IDS: variants seen among roughly 807,000 people sequenced by gnomAD.
IDS encodes the protein iduronate 2-sulfatase.
In IDS, 1 loss-of-function variant was observed where a neutral mutation model predicts 33.5. The observed-to-expected ratio is 0.03, with a 90% CI of 0.01 to 0.14. The LOEUF (loss-of-function observed/expected upper bound fraction) is 0.14, where lower values mean the gene tolerates loss of function less well. Ranked by LOEUF, IDS falls within the 10% of genes least tolerant of loss-of-function variation. The pLI is 1.00. For missense variants in IDS, 328 were observed against 448.0 expected (o/e 0.73, Z 2.42); for synonymous variants, 191 against 184.4 (o/e 1.04, Z -0.29).
intron 7 of IDS, among the ~76,000 whole-genome samples, chrX:149,489,683 G>A (rs1182409551): frequency 1.8e-5 from 2 of 111,761 alleles, no homozygotes; most frequent in African/African-American, 3.3e-5. Context: ...GATTTGCTTC[G>A]AAACAATTCA....
chrX:149,477,332 A>C lies in IDS; in HGVS notation c.*5414T>G, dbSNP rs782243773. 5.3e-5 allele frequency: 6 copies of C among 112,676 alleles called. No homozygotes were observed. Among genetic ancestry groups the C allele is most frequent in the African/African-American group, 1.6e-4 (5 of 30,991 alleles). 9.3% of individuals were successfully genotyped at this position (112,676 alleles called of 1,213,427 possible). A position where few individuals can be genotyped will look rare whatever the true frequency, so the allele number is the denominator to read the frequency against. On this transcript the variant is annotated 3_prime_UTR_variant, in exon 9 of 9. Transcript: ENST00000340855. The stretch of plus-strand genomic sequence containing the variant: ...AACTCTTGTTTCCTAGCATGTGCTG[A>C]ATACACTACTAGACCTTGAGCTTTT...
chrX:149,483,551 A>C (rs2089310734), intron 8 of IDS, among the ~76,000 whole-genome samples: 1 of 111,853 alleles, frequency 8.9e-6, no homozygotes, highest in African/African-American at 3.3e-5. Context: ...GAGTCTGTTG[A>C]GGAACAGGAT....
At chrX:149,485,601 G>C (rs1557337967) in intron 8 of IDS, among the ~76,000 whole-genome samples, 2 of 112,032 alleles carry the variant, frequency 1.8e-5, no homozygotes, top group Non-Finnish European at 3.8e-5. Context: ...CTGGCTAAGT[G>C]GGAAAGACTA....
chrX:149,489,813 G>A (rs893245384), intron 7 of IDS, among the ~76,000 whole-genome samples: 2 of 110,839 alleles, frequency 1.8e-5, no homozygotes, highest in Admixed American at 1.9e-4. Flanking sequence ...CTTTTAAAAA[G>A]ATAGTTTCAT....
intron 8 of IDS, among the ~76,000 whole-genome samples, chrX:149,483,421 C>G (rs992899807): frequency 3.6e-5 from 4 of 111,551 alleles, no homozygotes; most frequent in Admixed American, 2.9e-4. Context: ...TAGCAGGATG[C>G]AAAATTAGGG....
rs782657740 is a variant in IDS, at chrX:149,483,177, G to A, written c.1222C>T (p.Pro408Ser). The change falls in exon 9 of 9, where the codon CCC becomes TCC. Residue 408 changes from proline to serine, a missense_variant. By Grantham distance (74) the Pro-to-Ser change is moderately conservative. This residue lies in a region of IDS where 265 missense variants were observed against 339.2 expected (regional missense o/e 0.78). Coordinates refer to ENST00000340855, the MANE Select transcript of IDS (RefSeq NM_000202.8). ...MDLVELVSLF[P>S]TLAGLAGLQV... is the part of the protein sequence containing the mutation. Reference sequence around the variant, plus strand: ...AGTCCTGCAAGTCCAGCCAGCGTGGGAAAAAGAGACACAAGTTCCACAAGG... The same window carrying A: ...AGTCCTGCAAGTCCAGCCAGCGTGGAAAAAAGAGACACAAGTTCCACAAGG... 2.9e-5 allele frequency: 35 copies of A among 1,209,388 alleles called. No individual in the cohort carries two copies. Among genetic ancestry groups the A allele is most frequent in the Non-Finnish European group, 3.6e-5 (32 of 894,989 alleles).
Position 149,480,805 on chromosome X carries a change from C to T in IDS, c.*1941G>A, listed in dbSNP as rs2089292324. On this transcript the variant is annotated 3_prime_UTR_variant, in exon 9 of 9. Coordinates refer to ENST00000340855, the MANE Select transcript of IDS (RefSeq NM_000202.8). ...TCTAACGCACTGGGTTTTAACAAGC[C>T]CCTCAAGTAGTTCTGATGCTCCCTC... The T allele has an allele frequency of 8.8e-6, 1 of 114,122 alleles. No homozygotes were observed. Among genetic ancestry groups the T allele is most frequent in the African/African-American group, 3.2e-5 (1 of 30,938 alleles). 9.4% of individuals were successfully genotyped at this position (114,122 alleles called of 1,213,427 possible).
Position 149,496,444 on chromosome X carries a change from G to T in IDS, c.781C>A (p.Pro261Thr), listed in dbSNP as rs141720810. 18 of 1,209,175 alleles carry T rather than the reference G, an allele frequency of 1.5e-5. 1 individual carries two copies. In the South Asian group the frequency reaches 2.1e-4, roughly 14 times the overall value. The change falls in exon 6 of 9, where the codon CCT becomes ACT. Residue 261 changes from proline (P) to threonine (T), a missense_variant. Physicochemically the swap from Pro to Thr is conservative, Grantham distance 38 (BLOSUM62 -1). Transcript: ENST00000340855. ...TCCATCCAGGGGTTGTAGGCCACAGGGGGTAGGCCATCAGGGACCTCGGGA... is the reference window on the plus strand; with the variant it reads ...TCCATCCAGGGGTTGTAGGCCACAGTGGGTAGGCCATCAGGGACCTCGGGA... The part of the protein sequence containing the change: ...PDPEVPDGLP[P>T]VAYNPWMDIR...
intron 8 of IDS, among the ~76,000 whole-genome samples, chrX:149,483,710 TAC>T (rs1280286998): frequency 8.9e-6 from 1 of 112,259 alleles, no homozygotes. Context: ...TGGAATTAAG[TAC>T]ACTTATACTG....
At chrX:149,492,887 AGAG>A (rs1216095718) in intron 6 of IDS, among the ~76,000 whole-genome samples, 1 of 110,017 alleles carries the variant, frequency 9.1e-6, no homozygotes, top group Non-Finnish European at 1.9e-5. Context: ...GGCAGGGAGC[AGAG>A]GAGGAGGAGG....
At chrX:149,484,436 C>G (rs1186260016) in intron 8 of IDS, among the ~76,000 whole-genome samples, 4 of 112,477 alleles carry the variant, frequency 3.6e-5, no homozygotes, top group South Asian at 3.7e-4. Flanking sequence ...ATTCTCCTGC[C>G]TCAGCCTCCT....
In IDS at chrX:149,490,321, C is replaced by T. The variant is rs1483244890; in HGVS notation, c.999G>A (p.Ser333=). ...LANSTIIAFT[S]DHGWALGEHG... ...GAATTTCAAAATGCTTACCATGATCCGAGGTAAATGCAATGATGGTGCTGT... is the reference window on the plus strand; with the variant it reads ...GAATTTCAAAATGCTTACCATGATCTGAGGTAAATGCAATGATGGTGCTGT... The change falls in exon 7 of 9, where the codon TCG becomes TCA. Residue 333 remains serine (S), a synonymous_variant. Transcript: ENST00000340855. 18 of 1,208,671 alleles carry T rather than the reference C, an allele frequency of 1.5e-5. No individual in the cohort carries two copies. The East Asian group carries it at 2.7e-4, about 18-fold the overall frequency.
chrX:149,504,306 G>A lies in IDS; in HGVS notation c.104-13C>T. The stretch of plus-strand genomic sequence containing the variant: ...ACGTTCAGAGCATCTACACAGGAGG[G>A]AGGGGCTTTGGTGAGGTAACCTGCA... On this transcript the variant is annotated splice_polypyrimidine_tract_variant and intron_variant, in intron 1 of 8. Coordinates refer to ENST00000340855, the MANE Select transcript of IDS (RefSeq NM_000202.8). 8.3e-7 allele frequency: 1 copy of A among 1,202,225 alleles called. No homozygotes were observed.
chrX:149,502,933 G>T (rs2089491987), intron 3 of IDS: 1 of 388,325 alleles, frequency 2.6e-6, no homozygotes, highest in Non-Finnish European at 4.5e-6. Flanking sequence ...CACACGGGAG[G>T]CCCTCAGGTG....
chrX:149,486,434 G>C (rs1400630297), intron 8 of IDS, among the ~76,000 whole-genome samples: 1 of 111,467 alleles, frequency 9.0e-6, no homozygotes, highest in Non-Finnish European at 1.9e-5. Flanking sequence ...GGGGAGGGCA[G>C]AGTAGAATCA....
intron 3 of IDS, among the ~76,000 whole-genome samples, chrX:149,501,883 A>G (rs1381659196): frequency 8.9e-6 from 1 of 111,924 alleles, no homozygotes; most frequent in African/African-American, 3.2e-5. Context: ...CTGTGGAAAG[A>G]GCACACAGGA....
chrX:149,501,026 T>C lies in IDS; in HGVS notation c.430A>G (p.Asn144Asp). Residue 144 changes from asparagine to aspartate, a missense_variant, in exon 4 of 9, where the codon AAC (asparagine) becomes GAC (aspartate). Around this residue, in one of 4 missense-constraint regions of IDS, gnomAD observed 265 missense variants for 339.2 expected, o/e 0.78. Transcript: ENST00000340855. ...CTATACGGAGAATCATCGGTATGGT[T>C]AGAAGATATCCCTTGGAAAAAAAAA... ...GKVFHPGISS[N>D]HTDDSPYSWS... 8.7e-7 allele frequency: 1 copy of C among 1,148,315 alleles called. No homozygotes were observed. The highest frequency in any genetic ancestry group is 1.8e-5 in the South Asian group (1 of 56,058). The allele number at this position is 1,148,315 out of a possible 1,213,427, so 94.6% of individuals were successfully genotyped here. A position where few individuals can be genotyped will look rare whatever the true frequency, so the allele number is the denominator to read the frequency against.
At chrX:149,486,387 G>C (rs1201953221) in intron 8 of IDS, among the ~76,000 whole-genome samples, 1 of 111,545 alleles carries the variant, frequency 9.0e-6, no homozygotes, top group East Asian at 2.8e-4. Context: ...TGAAGGACTG[G>C]CACATGGAAG....
intron 7 of IDS, among the ~76,000 whole-genome samples, chrX:149,488,213 CT>C (rs1476054827): frequency 2.2e-4 from 23 of 104,606 alleles, no homozygotes; most frequent in African/African-American, 7.2e-4. Context: ...GGAGTTCCCC[CT>C]GACACCCGCC....
Sources: gnomAD v4.1 joint callset for allele counts (sites outside exome capture counted in the v4.1 genomes callset) on GRCh38, gnomAD v4.1.1 for gene constraint, gnomAD v4.1.1 regional missense constraint, MANE v1.5 for transcripts, NCBI Gene and HGNC (gene_info 2026-07-23, HGNC 2026-07-21) for gene names.